LYST: variants seen among roughly 807,000 people sequenced by gnomAD.
The protein encoded by LYST is lysosomal-trafficking regulator.
In LYST, 192 loss-of-function variants were observed where a neutral mutation model predicts 413.6. The observed-to-expected ratio is 0.46, with a 90% CI of 0.41 to 0.52. The LOEUF is 0.52. LYST is among the 20% of genes least tolerant of loss of function. LYST has a pLI of 0.00. For missense variants in LYST, 3,815 were observed against 4,499.9 expected (o/e 0.85, Z 4.35); for synonymous variants, 1,525 against 1,567.3 (o/e 0.97, Z 0.64).
At chr1:235,741,033 T>C (rs1427184320) in intron 31 of LYST, among the ~76,000 whole-genome samples, 3 of 152,320 alleles carry the variant, frequency 2.0e-5, no homozygotes, top group Non-Finnish European at 4.4e-5. Context: ...ACTGACCACA[T>C]ATATTTTTGA....
At chr1:235,755,425 A>G in intron 25 of LYST, 53 bp downstream of exon 25, 1 of 1,443,668 alleles carries the variant, frequency 6.9e-7, no homozygotes, top group Non-Finnish European at 9.7e-7. Context: ...AAAGAAAAGA[A>G]AAGAAAAAAG....
intron 45 of LYST, among the ~76,000 whole-genome samples, chr1:235,698,478 C>A (rs886542885): frequency 2.2e-4 from 34 of 152,294 alleles, no homozygotes; most frequent in Admixed American, 3.3e-4. Flanking sequence ...CATGTGGGAA[C>A]AGAGACGTTA....
chr1:235,835,896 C>T lies in LYST; in HGVS notation c.-97-2229G>A, dbSNP rs373137314. On this transcript the variant is annotated intron_variant, in intron 1 of 52. Transcript: ENST00000389793. ...CTTTTTACCTTTCATAGCTATAATG[C>T]CCAATTTTAAATCTAACTTTATCAC... Among the ~76,000 whole-genome samples the T allele has an allele frequency of 3.9e-5, 6 of 152,132 alleles. No individual in the cohort carries two copies. The South Asian group carries it at 6.2e-4, about 16-fold the overall frequency.
chr1:235,765,612 T>C (rs1490034513), intron 21 of LYST, among the ~76,000 whole-genome samples: 3 of 152,186 alleles, frequency 2.0e-5, no homozygotes, highest in Non-Finnish European at 4.4e-5. Flanking sequence ...GTAAAACTCA[T>C]TAGTCCTTAT....
intron 1 of LYST, among the ~76,000 whole-genome samples, chr1:235,847,178 C>A (rs1267500818): frequency 3.9e-5 from 6 of 152,334 alleles, no homozygotes; most frequent in Non-Finnish European, 8.8e-5. Context: ...CAGCAGATTT[C>A]TCAGCAGAAA....
intron 48 of LYST, among the ~76,000 whole-genome samples, chr1:235,679,791 C>T (rs748080453): frequency 6.6e-6 from 1 of 152,098 alleles, no homozygotes; most frequent in African/African-American, 2.4e-5. Context: ...CTTTTGGAGG[C>T]GGGCTCTCTT....
In LYST at chr1:235,800,584, C is replaced by T. The variant is rs7552221; in HGVS notation, c.3940-198G>A. ...TATACTGATTGATTTTTCAAAACAG[C>T]GAGCATGTATTAAAATTAAATGCAT... On this transcript the variant is annotated intron_variant, in intron 9 of 52. Transcript: ENST00000389793. Among the ~76,000 whole-genome samples the T allele has an allele frequency of 0.41, 61,516 of 151,828 alleles. 13,141 individuals are homozygous for T. Among genetic ancestry groups the T allele is most frequent in the African/African-American group, 0.49 (20,456 of 41,380 alleles).
Position 235,810,064 on chromosome 1 carries a change from T to G in LYST, c.754A>C (p.Asn252His). The G allele has an allele frequency of 6.2e-7, 1 of 1,614,066 alleles. No homozygotes were observed. The highest frequency in any genetic ancestry group is 8.5e-7 in the Non-Finnish European group (1 of 1,179,948). The change falls in exon 5 of 53, where the codon AAT becomes CAT. Residue 252 changes from asparagine (N) to histidine (H), a missense_variant. Physicochemically the swap from Asn to His is moderately conservative, Grantham distance 68. Transcript: ENST00000389793. Reference sequence around the variant, plus strand: ...ACATGACATAAGTCAAATGGAGAATTGTTCATGTTACTGATAACAGACAAG... The same window carrying G: ...ACATGACATAAGTCAAATGGAGAATGGTTCATGTTACTGATAACAGACAAG... ...AALSVISNMNNSPFDLCHVLL... is the reference protein window; with the variant it reads ...AALSVISNMNHSPFDLCHVLL...
chr1:235,809,257 C>T lies in LYST; in HGVS notation c.1561G>A (p.Val521Ile). 6.2e-7 allele frequency: 1 copy of T among 1,613,722 alleles called. No homozygotes were observed. The highest frequency in any genetic ancestry group is 8.5e-7 in the Non-Finnish European group (1 of 1,179,876). The change falls in exon 5 of 53, where the codon GTT becomes ATT. Residue 521 changes from valine to isoleucine, a missense_variant. Around this residue, in one of 4 missense-constraint regions of LYST, gnomAD observed 1,648 missense variants for 1,810.3 expected, o/e 0.91. Coordinates refer to ENST00000389793, the MANE Select transcript of LYST (RefSeq NM_000081.4). This position sits in a 1 kb window ranked among gnomAD's most constrained non-coding sequence, Gnocchi z 4.0. The part of the protein sequence containing the change: ...HHHRDLSGLL[V>I]SAFKNQVSKN... Reference sequence around the variant, plus strand: ...GAAACCTGGTTTTTAAAAGCCGAAACCAGAAGACCTGAGAGATCTCGGTGA... The same window carrying T: ...GAAACCTGGTTTTTAAAAGCCGAAATCAGAAGACCTGAGAGATCTCGGTGA...
upstream of LYST, among the ~76,000 whole-genome samples, chr1:235,868,790 G>C (rs1452968845): frequency 6.6e-6 from 1 of 152,100 alleles, no homozygotes; most frequent in Non-Finnish European, 1.5e-5. Context: ...CCGCCTCCCG[G>C]GTTCAAGTGA....
chr1:235,869,015 A>G (rs895162239), upstream of LYST, among the ~76,000 whole-genome samples: 2 of 152,156 alleles, frequency 1.3e-5, no homozygotes, highest in Non-Finnish European at 2.9e-5. Flanking sequence ...TATTTTAACT[A>G]AGCTACTGCA....
chr1:235,777,293 C>CA lies in LYST; in HGVS notation c.5229dup (p.Val1744CysfsTer14). 6.2e-7 allele frequency: 1 copy of CA among 1,612,640 alleles called. No individual in the cohort carries two copies. The highest frequency in any genetic ancestry group is 8.5e-7 in the Non-Finnish European group (1 of 1,178,960). ...TGAGCAGGACAGTAAGTTGTATAAA[C>CA]AACTGAAAGACTTTCCTGAAATACA... On this transcript the variant is annotated frameshift_variant, in exon 17 of 53. Coordinates refer to ENST00000389793, the MANE Select transcript of LYST (RefSeq NM_000081.4). LOFTEE classifies it high-confidence loss of function.
intron 34 of LYST, 99 bp downstream of exon 34, chr1:235,733,404 A>G (rs768987064): frequency 9.8e-7 from 1 of 1,025,136 alleles, no homozygotes; most frequent in Non-Finnish European, 1.5e-6. Context: ...GTTTAATGAA[A>G]TGATTTTATG....
At chr1:235,821,052 T>C (rs1674695324) in intron 3 of LYST, among the ~76,000 whole-genome samples, 1 of 152,246 alleles carries the variant, frequency 6.6e-6, no homozygotes, top group African/African-American at 2.4e-5. Flanking sequence ...ATATTCCACT[T>C]TACCACTACA....
At position 235,731,450 on chromosome 1, in the gene LYST, T is replaced by C. The variant is rs147862418; in HGVS notation, c.8802-273A>G. ...CAACTATTAAATTTTTTAAAAGATA[T>C]GTAATGACTACTATGAACACTTTAG... On this transcript the variant is annotated intron_variant, in intron 34 of 52. Transcript: ENST00000389793. Among the ~76,000 whole-genome samples, 588 of 152,314 alleles carry C rather than the reference T, an allele frequency of 3.9e-3. 2 individuals carry two copies. The highest frequency in any genetic ancestry group is 0.013 in the African/African-American group (557 of 41,568).
At chr1:235,695,626 C>A (rs200028327) in intron 46 of LYST, among the ~76,000 whole-genome samples, 1 of 115,314 alleles carries the variant, frequency 8.7e-6, no homozygotes, top group African/African-American at 3.4e-5. Flanking sequence ...TTACAGTACT[C>A]TAATTTTTTT....
chr1:235,765,841 A>AT lies in LYST; in HGVS notation c.6121+237dup, dbSNP rs113006318. 5.7e-3 allele frequency among the ~76,000 whole-genome samples: 831 copies of AT among 146,248 alleles called. 8 individuals are homozygous for AT. The highest frequency in any genetic ancestry group is 0.031 in the Admixed American group (461 of 14,664). On this transcript the variant is annotated intron_variant, in intron 21 of 52. Transcript: ENST00000389793. Reference sequence around the variant, plus strand: ...TCTCTTTGATACTTACCAAATACACATTTTTTTTTTTTACTGTAGTTATTT... The same window carrying AT: ...TCTCTTTGATACTTACCAAATACACATTTTTTTTTTTTTACTGTAGTTATTT...
intron 38 of LYST, 65 bp from the exon 39 acceptor site, chr1:235,724,245 A>G (rs1663646289): frequency 7.2e-7 from 1 of 1,384,456 alleles, no homozygotes; most frequent in Non-Finnish European, 1.0e-6. Context: ...CTTTAATTTT[A>G]GATTTTAAAA....
intron 45 of LYST, among the ~76,000 whole-genome samples, 163 bp from the exon 46 acceptor site, chr1:235,697,435 C>T (rs574869244): frequency 7.2e-5 from 11 of 152,094 alleles, no homozygotes; most frequent in South Asian, 2.1e-4. Context: ...CCATGCTTAG[C>T]GTATAGAAAT....
Sources: allele counts gnomAD v4.1 joint callset (sites outside exome capture counted in the v4.1 genomes callset), GRCh38; gene constraint gnomAD v4.1.1; regional missense constraint gnomAD v4.1.1; non-coding constraint Gnocchi (gnomAD v3.1); transcripts MANE v1.5; gene names NCBI Gene and HGNC (gene_info 2026-07-23, HGNC 2026-07-21).